Variants in PRPF40B observed in about 807,000 individuals in gnomAD.
PRPF40B encodes the protein pre-mRNA-processing factor 40 homolog B.
PRPF40B carries 56 observed loss-of-function variants against 124.5 expected under a neutral mutation model. That is an observed-to-expected ratio of 0.45 (90% confidence interval 0.36 to 0.56). The LOEUF is 0.56. Ranked by LOEUF, PRPF40B falls within the 20% of genes least tolerant of loss-of-function variation. The pLI, the probability that PRPF40B is intolerant of heterozygous loss-of-function variation, is 0.00. For synonymous variants in PRPF40B, 443 were observed against 426.4 expected (o/e 1.04, Z -0.48); for missense variants, 1,053 against 1,169.5 (o/e 0.90, Z 1.45).
At chr12:49,639,443 T>G (rs1292854917) in intron 18 of PRPF40B, 1 of 152,310 alleles carries the variant, frequency 6.6e-6, no homozygotes, top group Non-Finnish European at 1.5e-5. Context: ...GCAGGAATCT[T>G]GTAGGAGGTG....
Position 49,632,897 on chromosome 12 carries a change from CAG to C in PRPF40B, c.348+18_348+19del. 1 of 1,613,630 alleles carries C rather than the reference CAG, an allele frequency of 6.2e-7. No homozygotes were observed. The highest frequency in any genetic ancestry group is 8.5e-7 in the Non-Finnish European group (1 of 1,179,970). On this transcript the variant is annotated intron_variant, in intron 6 of 25. Transcript: ENST00000548825. ...GGCCCTCCGGTGAGTTCTTCCAGCT[CAG>C]GGGTCTCTGGGTAGAAAGCCTGAGA...
Position 49,644,662 on chromosome 12 carries a change from C to T in PRPF40B, c.*470C>T, listed in dbSNP as rs931601556. ...GTTTTTTAAATAACAATATTTATAA[C>T]ATGGCCAGTGACTCTTTTCCATGTG... On this transcript the variant is annotated 3_prime_UTR_variant, in exon 26 of 26. Transcript: ENST00000548825. 3 of 180,938 alleles carry T rather than the reference C, an allele frequency of 1.7e-5. No individual in the cohort carries two copies. The highest frequency in any genetic ancestry group is 3.6e-5 in the Non-Finnish European group (3 of 83,326). 11.2% of individuals were successfully genotyped at this position (180,938 alleles called of 1,614,324 possible).
intron 5 of PRPF40B, 32 bp downstream of exon 5, chr12:49,632,655 C>A: frequency 1.2e-6 from 2 of 1,612,070 alleles, no homozygotes; most frequent in Non-Finnish European, 1.7e-6. Flanking sequence ...TCCCCCCAGG[C>A]TCGGAGGTTG....
At position 49,636,633 on chromosome 12, in the gene PRPF40B, C is replaced by A. The variant is rs533871097; in HGVS notation, c.1427-83C>A. The stretch of plus-strand genomic sequence containing the variant: ...GGTATCCCTAGCACCTGTAGGACAG[C>A]ATCGTTGAAACATTAGGGGTGCTGG... On this transcript the variant is annotated intron_variant, in intron 15 of 25. Transcript: ENST00000548825. 30 of 1,583,578 alleles carry A rather than the reference C, an allele frequency of 1.9e-5. No homozygotes were observed. In the African/African-American group the frequency reaches 3.9e-4, roughly 21 times the overall value.
intron 1 of PRPF40B, among the ~76,000 whole-genome samples, 171 bp from the exon 2 acceptor site, chr12:49,630,372 AAG>A (rs1301152076): frequency 6.6e-6 from 1 of 152,174 alleles, no homozygotes; most frequent in African/African-American, 2.4e-5. Context: ...GCAAAAGCAC[AAG>A]AGAGAGCAAA....
In PRPF40B at chr12:49,631,721, A is replaced by G; in HGVS notation, c.229-139A>G. ...ACTCTCAGGCAAGGTGAGAGGCCAG[A>G]ATCTGGGGATTGCCTGAGGAAGTGC... On this transcript the variant is annotated intron_variant, in intron 3 of 25. Coordinates refer to ENST00000548825, the MANE Select transcript of PRPF40B (RefSeq NM_001031698.3). The surrounding 1 kb of genome is among the most constrained non-coding windows in gnomAD (Gnocchi z 4.3). 2 of 1,236,618 alleles carry G rather than the reference A, an allele frequency of 1.6e-6. No individual in the cohort carries two copies. Among genetic ancestry groups the G allele is most frequent in the Non-Finnish European group, 2.4e-6 (2 of 844,902 alleles). 76.6% of individuals were successfully genotyped at this position (1,236,618 alleles called of 1,614,324 possible).
At chr12:49,637,049 T>G in intron 16 of PRPF40B, 200 bp downstream of exon 16, 2 of 782,298 alleles carry the variant, frequency 2.6e-6, no homozygotes, top group South Asian at 3.7e-5. Flanking sequence ...CTAGGGAGAC[T>G]AGATGTATGC....
chr12:49,637,038 T>C, intron 16 of PRPF40B, 189 bp downstream of exon 16: 1 of 863,296 alleles, frequency 1.2e-6, no homozygotes, highest in Non-Finnish European at 1.8e-6. Flanking sequence ...ACTGTGCTCT[T>C]CTAGGGAGAC....
intron 16 of PRPF40B, chr12:49,637,089 C>T (rs1592599433): frequency 1.6e-6 from 1 of 625,024 alleles, no homozygotes; most frequent in Non-Finnish European, 2.7e-6. Flanking sequence ...TAGAGAGCAC[C>T]CTACAGGCAT....
In PRPF40B at chr12:49,634,051, G is replaced by A. The variant is rs752785349; in HGVS notation, c.771G>A (p.Leu257=). Residue 257 remains leucine (L), a synonymous_variant, in exon 10 of 26, where the codon CTG becomes CTA. Transcript: ENST00000548825. ...ATGTGTTGGAGGCCACCCAGCCCCT[G>A]GAACAGGGGTTCCTGCAGCAGCTGG... is the stretch of plus-strand genomic sequence containing the variant. ...DCDVLEATQP[L]EQGFLQQLEE... The A allele has an allele frequency of 6.2e-7, 1 of 1,613,698 alleles. No homozygotes were observed. The highest frequency in any genetic ancestry group is 1.7e-5 in the Admixed American group (1 of 60,034).
chr12:49,635,155 G>GGGAGAAGGA lies in PRPF40B; in HGVS notation c.1072_1080dup (p.Lys358_Glu360dup). On this transcript the variant is annotated inframe_insertion, in exon 13 of 26. Coordinates refer to ENST00000548825, the MANE Select transcript of PRPF40B (RefSeq NM_001031698.3). This position sits in a 1 kb window ranked among gnomAD's most constrained non-coding sequence, Gnocchi z 4.1. ...GCATTCAATGCCTACAAGGCGCAGC[G>GGGAGAAGGA]GGAGAAGGAGGAGAAGGAGGAGGCC... The GGGAGAAGGA allele has an allele frequency of 1.2e-6, 2 of 1,614,056 alleles. No homozygotes were observed. Among genetic ancestry groups the GGGAGAAGGA allele is most frequent in the Non-Finnish European group, 1.7e-6 (2 of 1,180,018 alleles).
rs758453528 is a variant in PRPF40B, at chr12:49,642,329, G to A, written c.1979G>A (p.Arg660Lys). Residue 660 changes from arginine (R) to lysine (K), a missense_variant, in exon 20 of 26, where the codon AGG becomes AAG. By Grantham distance (26) the Arg-to-Lys change is conservative (BLOSUM62 2). Around this residue, in one of 2 missense-constraint regions of PRPF40B, gnomAD observed 895 missense variants for 1,052.2 expected, o/e 0.85. Coordinates refer to ENST00000548825, the MANE Select transcript of PRPF40B (RefSeq NM_001031698.3). The surrounding 1 kb of genome is among the most constrained non-coding windows in gnomAD (Gnocchi z 5.8). ...RREAAFRSML[R>K]QAVPALELGT... ...GAAGCTGCCTTTCGAAGCATGCTGAGGCAGGCTGTGCCTGCTCTGGAGCTA... is the reference window on the plus strand; with the variant it reads ...GAAGCTGCCTTTCGAAGCATGCTGAAGCAGGCTGTGCCTGCTCTGGAGCTA... 1 of 1,614,092 alleles carries A rather than the reference G, an allele frequency of 6.2e-7. No individual in the cohort carries two copies. The highest frequency in any genetic ancestry group is 2.2e-5 in the East Asian group (1 of 44,882).
At position 49,642,499 on chromosome 12, in the gene PRPF40B, A is replaced by T; in HGVS notation, c.2023-81A>T. 6.3e-7 allele frequency: 1 copy of T among 1,582,134 alleles called. No homozygotes were observed. Among genetic ancestry groups the T allele is most frequent in the Admixed American group, 1.7e-5 (1 of 59,238 alleles). ...CCAGTTCCCTTCCTTTCTCTGCCCC[A>T]GCCCTGCCCTGTGCTCATGGCGGTG... On this transcript the variant is annotated intron_variant, in intron 20 of 25. Transcript: ENST00000548825. The surrounding 1 kb of genome is among the most constrained non-coding windows in gnomAD (Gnocchi z 5.8).
rs1437635788 is a variant in PRPF40B at position 49,637,585 on chromosome 12, G to T, written c.1675+1G>T. 1 of 1,613,002 alleles carries T rather than the reference G, an allele frequency of 6.2e-7. No homozygotes were observed. Among genetic ancestry groups the T allele is most frequent in the East Asian group, 2.2e-5 (1 of 44,872 alleles). On this transcript the variant is annotated splice_donor_variant, in intron 17 of 25. Coordinates refer to ENST00000548825, the MANE Select transcript of PRPF40B (RefSeq NM_001031698.3). LOFTEE classifies it high-confidence loss of function. ...TTTGCCAACATGCTGGGCCAGCCGG[G>T]TAAGGCAGCCAGGCTCCCCCTTCTC...
rs1942010734 is a variant in PRPF40B at position 49,637,604 on chromosome 12, C to T, written c.1675+20C>T. 6.2e-6 allele frequency: 10 copies of T among 1,605,210 alleles called. No homozygotes were observed. Among genetic ancestry groups the T allele is most frequent in the Non-Finnish European group, 8.5e-6 (10 of 1,173,142 alleles). The stretch of plus-strand genomic sequence containing the variant: ...AGCCGGGTAAGGCAGCCAGGCTCCC[C>T]CTTCTCTGGCCTGGCTTCCTGCCCT... On this transcript the variant is annotated intron_variant, in intron 17 of 25. Transcript: ENST00000548825.
At chr12:49,641,658 T>TTA (rs1942670049) in intron 18 of PRPF40B, 2 of 483,238 alleles carry the variant, frequency 4.1e-6, no homozygotes, top group African/African-American at 3.9e-5. Context: ...AAACTCAGCA[T>TTA]TAATCAGCAG....
At chr12:49,623,552 G>A (rs1357059340), upstream of PRPF40B, 6 of 1,242,430 alleles carry the variant, frequency 4.8e-6, no homozygotes, top group South Asian at 3.5e-5. Context: ...TCTTACTGGC[G>A]GGTGGGCTGA....
Position 49,636,861 on chromosome 12 carries a change from G to A in PRPF40B, c.1560+12G>A. 1.2e-6 allele frequency: 2 copies of A among 1,613,356 alleles called. No individual in the cohort carries two copies. Among genetic ancestry groups the A allele is most frequent in the Middle Eastern group, 1.8e-4 (1 of 5,498 alleles). Reference sequence around the variant, plus strand: ...GGGAGGCCTTCCAGGTATCTTTGCTGTCCTTTCTAGATCAGAGCTCAGCTC... The same window carrying A: ...GGGAGGCCTTCCAGGTATCTTTGCTATCCTTTCTAGATCAGAGCTCAGCTC... On this transcript the variant is annotated intron_variant, in intron 16 of 25. Transcript: ENST00000548825.
At position 49,631,834 on chromosome 12, in the gene PRPF40B, G is replaced by A; in HGVS notation, c.229-26G>A. 6.2e-7 allele frequency: 1 copy of A among 1,606,580 alleles called. No homozygotes were observed. Among genetic ancestry groups the A allele is most frequent in the Non-Finnish European group, 8.5e-7 (1 of 1,173,514 alleles). Reference sequence around the variant, plus strand: ...TGTTCCAGCCCTTACCTTGGTGGTTGGTTTCTGTCTTCTTTGTATCCATAG... The same window carrying A: ...TGTTCCAGCCCTTACCTTGGTGGTTAGTTTCTGTCTTCTTTGTATCCATAG... On this transcript the variant is annotated intron_variant, in intron 3 of 25. Transcript: ENST00000548825. The surrounding 1 kb of genome is among the most constrained non-coding windows in gnomAD (Gnocchi z 4.3).
Sources: gnomAD v4.1 joint callset for allele counts (sites outside exome capture counted in the v4.1 genomes callset) on GRCh38, gnomAD v4.1.1 for gene constraint, gnomAD v4.1.1 regional missense constraint, Gnocchi (gnomAD v3.1) non-coding constraint, MANE v1.5 for transcripts, NCBI Gene and HGNC (gene_info 2026-07-23, HGNC 2026-07-21) for gene names.